SVEP1: variants seen among roughly 807,000 people sequenced by gnomAD.
SVEP1 encodes sushi, von Willebrand factor type A, EGF and pentraxin domain-containing protein 1.
Under a neutral mutation model 367.3 loss-of-function variants are expected in SVEP1, and 164 were observed. The ratio of observed to expected loss-of-function variants is 0.45; its 90% confidence interval spans 0.39 to 0.51. The LOEUF is 0.51. Ranked by LOEUF, SVEP1 falls within the 20% of genes least tolerant of loss-of-function variation. SVEP1 has a pLI of 0.00. For synonymous variants in SVEP1, 1,666 were observed against 1,611.6 expected (o/e 1.03, Z -0.81); for missense variants, 4,117 against 4,425.3 (o/e 0.93, Z 1.98).
intron 26 of SVEP1, among the ~76,000 whole-genome samples, chr9:110,444,747 T>G (rs1305560860): frequency 6.7e-6 from 1 of 148,194 alleles, no homozygotes; most frequent in African/African-American, 2.4e-5. Flanking sequence ...TTTACAGAGG[T>G]TTATGAAAAA....
chr9:110,512,502 C>A (rs187209419), intron 5 of SVEP1, among the ~76,000 whole-genome samples: 1 of 152,208 alleles, frequency 6.6e-6, no homozygotes, highest in East Asian at 1.9e-4. Context: ...AACGGGTCGA[C>A]TAGCCGAAGT....
In SVEP1 at chr9:110,469,012, G is replaced by A. The variant is rs766849619; in HGVS notation, c.3088C>T (p.Leu1030Phe). Residue 1030 changes from leucine (L) to phenylalanine (F), a missense_variant, in exon 17 of 48, where the codon CTT becomes TTT. Physicochemically the swap from Leu to Phe is conservative, Grantham distance 22 (BLOSUM62 0). This residue lies in a region of SVEP1 where 2,174 missense variants were observed against 2,494.3 expected (regional missense o/e 0.87). Coordinates refer to ENST00000374469, the MANE Select transcript of SVEP1 (RefSeq NM_153366.4). ...IGSYQDEEGQ[L>F]ECKLCPSGMY... ...CCAGAGGGGCAAAGCTTGCACTCAA[G>A]TTGCCCTTCTTCATCTTGATAGGAT... 1 of 1,613,898 alleles carries A rather than the reference G, an allele frequency of 6.2e-7. No homozygotes were observed. Among genetic ancestry groups the A allele is most frequent in the Admixed American group, 1.7e-5 (1 of 60,026 alleles).
chr9:110,367,157 C>CT (rs1462593405), intron 47 of SVEP1, among the ~76,000 whole-genome samples: 1 of 152,162 alleles, frequency 6.6e-6, no homozygotes, highest in Non-Finnish European at 1.5e-5. Context: ...GTACAAGGCA[C>CT]TAGGCATATA....
rs1827340351 is a variant in SVEP1 at position 110,375,590 on chromosome 9, CACTA to C, written c.10505-131_10505-128del. ...TGCAGGAGTGAAACCTTATATGACT[CACTA>C]AATAAGTTTCCTGCATGTGTTCTGC... On this transcript the variant is annotated intron_variant, in intron 45 of 47. Coordinates refer to ENST00000374469, the MANE Select transcript of SVEP1 (RefSeq NM_153366.4). The C allele has an allele frequency of 1.2e-5, 9 of 756,152 alleles. No homozygotes were observed. The South Asian group carries it at 1.7e-4, about 14-fold the overall frequency. 46.8% of individuals were successfully genotyped at this position (756,152 alleles called of 1,614,324 possible).
chr9:110,392,133 T>TTTTTTATATATATATATATATATA (rs1554710906), intron 40 of SVEP1, among the ~76,000 whole-genome samples: 2 of 99,636 alleles, frequency 2.0e-5, no homozygotes, highest in Admixed American at 2.1e-4. Context: ...CAATTCCTCA[T>TTTTTTATATATATATATATATATA]TATATATATA....
chr9:110,448,811 T>C (rs573266454), intron 24 of SVEP1, among the ~76,000 whole-genome samples: 1 of 152,200 alleles, frequency 6.6e-6, no homozygotes, highest in Non-Finnish European at 1.5e-5. Context: ...CAAACACCCA[T>C]GAGAAAGTGA....
intron 40 of SVEP1, among the ~76,000 whole-genome samples, chr9:110,392,581 T>C (rs986758950): frequency 6.6e-6 from 1 of 152,144 alleles, no homozygotes; most frequent in African/African-American, 2.4e-5. Flanking sequence ...TTCTGCTATT[T>C]AAATTCTATT....
chr9:110,481,703 T>TTAG (rs1279210381), intron 11 of SVEP1, among the ~76,000 whole-genome samples: 1 of 151,620 alleles, frequency 6.6e-6, no homozygotes, highest in Non-Finnish European at 1.5e-5. Flanking sequence ...CTTGGAGTTA[T>TTAG]TATTATTATT....
chr9:110,433,459 G>A (rs1462958608), intron 30 of SVEP1, among the ~76,000 whole-genome samples: 1 of 117,608 alleles, frequency 8.5e-6, no homozygotes, highest in Non-Finnish European at 1.7e-5. Context: ...CCCTCATTTT[G>A]TATTACTTTT....
At chr9:110,465,774 T>C in intron 18 of SVEP1, 91 bp downstream of exon 18, 1 of 1,427,140 alleles carries the variant, frequency 7.0e-7, no homozygotes, top group Non-Finnish European at 9.5e-7. Flanking sequence ...GTGCATAGAG[T>C]AGATGTATGT....
rs935088059 is a variant in SVEP1 at position 110,429,303 on chromosome 9, T to G, written c.5647A>C (p.Lys1883Gln). The change falls in exon 35 of 48, where the codon AAA becomes CAA. Residue 1883 changes from lysine (K) to glutamine (Q), a missense_variant. Lys to Gln is a moderately conservative substitution (Grantham distance 53). Around this residue, in one of 4 missense-constraint regions of SVEP1, gnomAD observed 2,174 missense variants for 2,494.3 expected, o/e 0.87. Transcript: ENST00000374469. ...CNKGYTLAGD[K>Q]ESSCLANSSW... is the part of the protein sequence containing the mutation. ...CTGTTAGCAAGACAGGATGATTCTT[T>G]ATCACCGGCCAGAGTATATCCTTTA... 1.3e-6 allele frequency: 2 copies of G among 1,587,580 alleles called. No homozygotes were observed. Among genetic ancestry groups the G allele is most frequent in the African/African-American group, 2.7e-5 (2 of 74,308 alleles).
At chr9:110,491,619 A>ATGTGTGTGTGTGGG (rs1564157984) in intron 8 of SVEP1, among the ~76,000 whole-genome samples, 100 of 112,238 alleles carry the variant, frequency 8.9e-4, no homozygotes, top group African/African-American at 3.6e-3. Flanking sequence ...GTGTGTGTGC[A>ATGTGTGTGTGTGGG]AATTTATCTG....
chr9:110,466,333 T>C (rs1828936210), intron 17 of SVEP1, among the ~76,000 whole-genome samples: 1 of 152,194 alleles, frequency 6.6e-6, no homozygotes, highest in Admixed American at 6.5e-5. Context: ...GACACTATGA[T>C]AGGAACAAGT....
intron 27 of SVEP1, among the ~76,000 whole-genome samples, chr9:110,437,526 A>G (rs771700151): frequency 6.6e-6 from 1 of 152,194 alleles, no homozygotes; most frequent in Admixed American, 6.5e-5. Flanking sequence ...CTATCAGAGC[A>G]TTCTCTCCTG....
intron 40 of SVEP1, among the ~76,000 whole-genome samples, chr9:110,400,093 T>C (rs1827833674): frequency 6.6e-6 from 1 of 152,158 alleles, no homozygotes; most frequent in Non-Finnish European, 1.5e-5. Context: ...TGTTCTGTGG[T>C]GTTTTCAAGC....
At chr9:110,551,334 G>A (rs1830283914) in intron 1 of SVEP1, among the ~76,000 whole-genome samples, 1 of 152,208 alleles carries the variant, frequency 6.6e-6, no homozygotes, top group African/African-American at 2.4e-5. Flanking sequence ...TATATAATCA[G>A]TGGGTATTCA....
At chr9:110,482,636 C>T in intron 10 of SVEP1, 144 bp from the exon 11 acceptor site, 1 of 939,270 alleles carries the variant, frequency 1.1e-6, no homozygotes. Flanking sequence ...AAGCGATTCT[C>T]CTGCCTCAGT....
At chr9:110,458,891 C>T (rs994513237) in intron 19 of SVEP1, 61 bp downstream of exon 19, 2 of 1,564,804 alleles carry the variant, frequency 1.3e-6, no homozygotes, top group Non-Finnish European at 1.7e-6. Context: ...GAAGCTACAA[C>T]AGAGACAGGG....
rs367830358 is a variant in SVEP1, at chr9:110,469,039, C to T, written c.3061G>A (p.Gly1021Arg). 28 of 1,613,634 alleles carry T rather than the reference C, an allele frequency of 1.7e-5. No individual in the cohort carries two copies. The highest frequency in any genetic ancestry group is 1.0e-4 in the Admixed American group (6 of 59,994). ...EHFTCESCRI[G>R]SYQDEEGQLE... ...TGCCCTTCTTCATCTTGATAGGATC[C>T]GATCCGGCAGCTTTCACAGGTGAAA... is the stretch of plus-strand genomic sequence containing the variant. Residue 1021 changes from glycine (G) to arginine (R), a missense_variant, in exon 17 of 48, where the codon GGA becomes AGA. Physicochemically the swap from Gly to Arg is moderately radical, Grantham distance 125 (BLOSUM62 -2). This residue lies in a region of SVEP1 where 2,174 missense variants were observed against 2,494.3 expected (regional missense o/e 0.87). Transcript: ENST00000374469.
Sources: gnomAD v4.1 joint callset for allele counts (sites outside exome capture counted in the v4.1 genomes callset) on GRCh38, gnomAD v4.1.1 for gene constraint, gnomAD v4.1.1 regional missense constraint, MANE v1.5 for transcripts, NCBI Gene and HGNC (gene_info 2026-07-23, HGNC 2026-07-21) for gene names.